PCDHGA2: variants seen among roughly 807,000 people sequenced by gnomAD.
PCDHGA2 encodes protocadherin gamma-A2.
In PCDHGA2, 40 loss-of-function variants were observed where a neutral mutation model predicts 59.2. That is an observed-to-expected ratio of 0.68 (90% CI 0.52 to 0.88). The LOEUF is 0.88. PCDHGA2 is among the 40% of genes least tolerant of loss of function. The probability of loss-of-function intolerance (pLI) is 0.00; values close to 1 mark genes in which losing one functional copy is unlikely to be tolerated. For synonymous variants in PCDHGA2, 560 were observed against 526.0 expected, an observed-to-expected ratio of 1.06 and a Z score of -0.89; for missense variants, 1,226 against 1,204.0, an observed-to-expected ratio of 1.02 and a Z score of -0.27.
intron 1 of PCDHGA2, chr5:141,410,801 A>T: frequency 3.4e-6 from 2 of 587,936 alleles, no homozygotes; most frequent in South Asian, 3.5e-5. Context: ...AAGTTGCTCT[A>T]TCTTTTTGTA....
chr5:141,356,397 A>G (rs746367214), intron 1 of PCDHGA2: 3 of 1,582,770 alleles, frequency 1.9e-6, no homozygotes, highest in African/African-American at 2.7e-5. Flanking sequence ...AGACCTATGG[A>G]AATTATTATC....
intron 1 of PCDHGA2, chr5:141,403,578 A>G: frequency 6.2e-7 from 1 of 1,613,850 alleles, no homozygotes. Context: ...ACTGCCCACC[A>G]CCTGGTCCTC....
At chr5:141,365,106 C>CTCT (rs1561533219) in intron 1 of PCDHGA2, 1 of 1,613,862 alleles carries the variant, frequency 6.2e-7, no homozygotes, top group South Asian at 1.1e-5. Flanking sequence ...CCTGTGGGCA[C>CTCT]TCGGCTGCTC....
In PCDHGA2 at chr5:141,422,644, T is replaced by C. The variant is rs770618826; in HGVS notation, c.2425-72163T>C. 9 of 1,612,266 alleles carry C rather than the reference T, an allele frequency of 5.6e-6. No homozygotes were observed. The Admixed American group carries it at 1.5e-4, about 27-fold the overall frequency. ...AAACAACCCCAGGGGTGCCTCCATC[T>C]TCTCAGTGACCGCCCTCGACCCGGA... On this transcript the variant is annotated intron_variant, in intron 1 of 3. Coordinates refer to ENST00000394576, the MANE Select transcript of PCDHGA2 (RefSeq NM_018915.4).
At chr5:141,409,988 GC>G in intron 1 of PCDHGA2, 1 of 1,613,278 alleles carries the variant, frequency 6.2e-7, no homozygotes, top group Non-Finnish European at 8.5e-7. Flanking sequence ...AGCGGTGGAC[GC>G]CGACTCGGGA....
intron 1 of PCDHGA2, among the ~76,000 whole-genome samples, chr5:141,438,835 A>T (rs1591550617): frequency 6.7e-6 from 1 of 149,784 alleles, no homozygotes; most frequent in African/African-American, 2.5e-5. Flanking sequence ...CTAATTTTTT[A>T]AAATATTTTT....
intron 1 of PCDHGA2, chr5:141,398,904 C>T: frequency 6.2e-7 from 1 of 1,613,930 alleles, no homozygotes; most frequent in Non-Finnish European, 8.5e-7. Context: ...CACCAGGCAC[C>T]ACTGTGTTGC....
Position 141,489,276 on chromosome 5 carries a change from AT to A in PCDHGA2, c.2425-5530del, listed in dbSNP as rs2099684949. 1.9e-6 allele frequency: 3 copies of A among 1,556,004 alleles called. No homozygotes were observed. Among genetic ancestry groups the A allele is most frequent in the Non-Finnish European group, 2.6e-6 (3 of 1,151,570 alleles). ...AGACACTCCCACAGCTCGCTGGGAA[AT>A]GGCAAGTGCTGTGCATGTTGTCCTT... On this transcript the variant is annotated intron_variant, in intron 1 of 3. Coordinates refer to ENST00000394576, the MANE Select transcript of PCDHGA2 (RefSeq NM_018915.4). This position sits in a 1 kb window ranked among gnomAD's most constrained non-coding sequence, Gnocchi z 4.5.
intron 1 of PCDHGA2, chr5:141,409,205 A>C (rs766592481): frequency 1.2e-6 from 2 of 1,614,068 alleles, no homozygotes; most frequent in Non-Finnish European, 1.7e-6. Flanking sequence ...TAAAGTAATC[A>C]TAGAAATCCT....
intron 1 of PCDHGA2, chr5:141,373,841 C>T: frequency 2.3e-6 from 1 of 438,764 alleles, no homozygotes; most frequent in Non-Finnish European, 4.0e-6. Flanking sequence ...TAAGTTAGGA[C>T]TCTAAGCGTC....
chr5:141,374,092 T>G, intron 1 of PCDHGA2: 2 of 1,537,780 alleles, frequency 1.3e-6, no homozygotes. Flanking sequence ...TAATGGCGCC[T>G]CCGCAGAGGC....
chr5:141,381,417 G>C (rs954058342), intron 1 of PCDHGA2, among the ~76,000 whole-genome samples: 1 of 152,332 alleles, frequency 6.6e-6, no homozygotes, highest in Admixed American at 6.5e-5. Flanking sequence ...GTGGAGAGAC[G>C]AGTACCTCTA....
chr5:141,341,516 G>A (rs1353183465), intron 1 of PCDHGA2, 121 bp downstream of exon 1: 9 of 1,517,810 alleles, frequency 5.9e-6, no homozygotes, highest in Non-Finnish European at 7.1e-6. Context: ...TTTAGGAAGT[G>A]AGTCTTGGTG....
chr5:141,418,776 C>G (rs763308217), intron 1 of PCDHGA2: 1 of 1,613,806 alleles, frequency 6.2e-7, no homozygotes, highest in East Asian at 2.2e-5. Flanking sequence ...ACTCAGCAGC[C>G]TTTGGATTTT....
chr5:141,391,775 A>T (rs996921581), intron 1 of PCDHGA2: 1 of 152,210 alleles, frequency 6.6e-6, no homozygotes, highest in Non-Finnish European at 1.5e-5. Flanking sequence ...TTATATAGTC[A>T]TTACTTTTTG....
intron 1 of PCDHGA2, chr5:141,478,676 G>A (rs540780497): frequency 6.4e-7 from 1 of 1,551,522 alleles, no homozygotes; most frequent in African/African-American, 1.4e-5. Flanking sequence ...CTTTCAACTG[G>A]CCCTTCCTAG....
chr5:141,414,184 G>C (rs1228749194), intron 1 of PCDHGA2: 3 of 1,609,416 alleles, frequency 1.9e-6, no homozygotes, highest in Non-Finnish European at 2.5e-6. Flanking sequence ...AACTGCAAAA[G>C]TGTTGATTAC....
Position 141,351,002 on chromosome 5 carries a change from C to T in PCDHGA2, c.2424+9607C>T, listed in dbSNP as rs751094816. 6 of 1,614,084 alleles carry T rather than the reference C, an allele frequency of 3.7e-6. No individual in the cohort carries two copies. In the South Asian group the frequency reaches 6.6e-5, roughly 18 times the overall value. ...TAGCCAGGAGGTATACAGGGTTAGC[C>T]TCCAAGAAAACGTACCGTGGGGAAC... On this transcript the variant is annotated intron_variant, in intron 1 of 3. Transcript: ENST00000394576.
At chr5:141,453,492 G>A (rs1046043468) in intron 1 of PCDHGA2, among the ~76,000 whole-genome samples, 7 of 152,000 alleles carry the variant, frequency 4.6e-5, no homozygotes, top group African/African-American at 7.3e-5. Context: ...AAAAAAAGGT[G>A]TACTCAGAAA....
Sources: gnomAD v4.1 joint callset for allele counts (sites outside exome capture counted in the v4.1 genomes callset) on GRCh38, gnomAD v4.1.1 for gene constraint, Gnocchi (gnomAD v3.1) non-coding constraint, MANE v1.5 for transcripts, NCBI Gene and HGNC (gene_info 2026-07-23, HGNC 2026-07-21) for gene names.